Variants in RORA observed in about 807,000 individuals in gnomAD.
RORA encodes the protein nuclear receptor ROR-alpha.
A neutral mutation model predicts 69.5 loss-of-function variants in RORA; 7 were observed. That is an observed-to-expected ratio of 0.10 (90% CI 0.06 to 0.19). The LOEUF (loss-of-function observed/expected upper bound fraction) is 0.19, where lower values mean the gene tolerates loss of function less well. Ranked by LOEUF, RORA falls within the 10% of genes least tolerant of loss-of-function variation. RORA has a pLI of 1.00. For synonymous variants in RORA, 261 were observed against 240.8 expected, an observed-to-expected ratio of 1.08 and a Z score of -0.78; for missense variants, 457 against 663.0, an observed-to-expected ratio of 0.69 and a Z score of 3.41.
At chr15:60,819,083 C>T (rs2072853806) in intron 1 of RORA, among the ~76,000 whole-genome samples, 1 of 152,226 alleles carries the variant, frequency 6.6e-6, no homozygotes, top group Non-Finnish European at 1.5e-5. Context: ...TTTTCTACAT[C>T]TAAATATCCC....
intron 1 of RORA, among the ~76,000 whole-genome samples, chr15:61,002,699 A>T (rs1280998723): frequency 6.6e-6 from 1 of 152,144 alleles, no homozygotes; most frequent in Non-Finnish European, 1.5e-5. Context: ...TTTAGGGTTT[A>T]AACTCCGCAA....
At position 60,501,019 on chromosome 15, in the gene RORA, A is replaced by G; in HGVS notation, c.1234T>C (p.Ser412Pro). Residue 412 changes from serine (S) to proline (P), a missense_variant, in exon 9 of 11, where the codon TCT becomes CCT. By Grantham distance (74) the Ser-to-Pro change is moderately conservative (BLOSUM62 -1). Transcript: ENST00000335670. ...FVFEFGKSLC[S>P]MHLTEDEIAL... ...ATTTCATCTTCAGTCAGGTGCATAG[A>G]ACATAAACTCTTTCCAAATTCAAAC... 1 of 1,611,664 alleles carries G rather than the reference A, an allele frequency of 6.2e-7. No individual in the cohort carries two copies. The highest frequency in any genetic ancestry group is 1.1e-5 in the South Asian group (1 of 90,978).
intron 1 of RORA, among the ~76,000 whole-genome samples, chr15:61,116,831 T>C (rs1175962184): frequency 6.6e-6 from 1 of 152,194 alleles, no homozygotes; most frequent in African/African-American, 2.4e-5. Flanking sequence ...AAATGGCTCC[T>C]AGGTCCCTGC....
chr15:60,592,140 C>G (rs955352987), intron 2 of RORA, among the ~76,000 whole-genome samples: 19 of 151,960 alleles, frequency 1.3e-4, no homozygotes, highest in Non-Finnish European at 2.4e-4. Flanking sequence ...TGACAGGAGC[C>G]GGAGGGGGCA....
chr15:61,090,367 T>C (rs1006964864), intron 1 of RORA, among the ~76,000 whole-genome samples: 2 of 152,196 alleles, frequency 1.3e-5, no homozygotes, highest in Non-Finnish European at 2.9e-5. Flanking sequence ...CCTCTGTGAA[T>C]ATGAATGAGG....
intron 1 of RORA, among the ~76,000 whole-genome samples, chr15:60,789,760 A>AG (rs1477535379): frequency 1.3e-5 from 2 of 152,270 alleles, no homozygotes; most frequent in African/African-American, 4.8e-5. Context: ...GCCGGTGCAA[A>AG]TGAAGGGTCC....
chr15:60,777,843 G>T (rs937105296), intron 1 of RORA, among the ~76,000 whole-genome samples: 10 of 152,168 alleles, frequency 6.6e-5, no homozygotes, highest in African/African-American at 2.2e-4. Flanking sequence ...GCTGAGCAAG[G>T]GGTGTGCAAA....
At chr15:60,639,732 A>G (rs2069907423) in intron 2 of RORA, among the ~76,000 whole-genome samples, 1 of 152,196 alleles carries the variant, frequency 6.6e-6, no homozygotes, top group Non-Finnish European at 1.5e-5. Flanking sequence ...TCTCATAGTT[A>G]AAGTGCATAG....
intron 1 of RORA, among the ~76,000 whole-genome samples, chr15:60,944,427 C>T (rs1892800383): frequency 6.6e-6 from 1 of 152,054 alleles, no homozygotes; most frequent in Non-Finnish European, 1.5e-5. Flanking sequence ...ATACAATAAG[C>T]AGCACGGAGC....
At chr15:60,603,095 G>C (rs1250772070) in intron 2 of RORA, among the ~76,000 whole-genome samples, 1 of 152,200 alleles carries the variant, frequency 6.6e-6, no homozygotes, top group Non-Finnish European at 1.5e-5. Context: ...GTGTTGTTGA[G>C]TACAATAATT....
chr15:61,163,386 CA>C (rs2079513385), intron 1 of RORA, among the ~76,000 whole-genome samples: 1 of 152,112 alleles, frequency 6.6e-6, no homozygotes, highest in Non-Finnish European at 1.5e-5. Flanking sequence ...TATTCAGAGG[CA>C]AGTCAGTTTT....
intron 1 of RORA, among the ~76,000 whole-genome samples, chr15:60,758,037 G>C (rs964200085): frequency 6.6e-6 from 1 of 152,104 alleles, no homozygotes; most frequent in African/African-American, 2.4e-5. Context: ...CCAATCAATG[G>C]GACCGGCACC....
intron 1 of RORA, among the ~76,000 whole-genome samples, chr15:60,951,502 CT>C (rs1263352509): frequency 6.6e-6 from 1 of 151,178 alleles, no homozygotes; most frequent in East Asian, 1.9e-4. Flanking sequence ...AATCCAGGAG[CT>C]GGTTTTTTGA....
chr15:60,674,642 G>A (rs1033662051), intron 2 of RORA, among the ~76,000 whole-genome samples: 9 of 152,098 alleles, frequency 5.9e-5, no homozygotes, highest in African/African-American at 1.7e-4. Context: ...TATATTGTAG[G>A]TATTAGCCTG....
At chr15:61,059,954 A>T (rs1182486805) in intron 1 of RORA, among the ~76,000 whole-genome samples, 1 of 138,770 alleles carries the variant, frequency 7.2e-6, no homozygotes, top group African/African-American at 2.7e-5. Context: ...GAAGAAGAAG[A>T]AGAAGAAGAG....
At chr15:60,631,916 G>C (rs1346614284) in intron 2 of RORA, among the ~76,000 whole-genome samples, 4 of 152,206 alleles carry the variant, frequency 2.6e-5, no homozygotes, top group Non-Finnish European at 5.9e-5. Flanking sequence ...TACAAGGTAA[G>C]CCAACCAGGG....
At chr15:61,105,908 T>G (rs554352045) in intron 1 of RORA, among the ~76,000 whole-genome samples, 1 of 152,168 alleles carries the variant, frequency 6.6e-6, no homozygotes, top group African/African-American at 2.4e-5. Flanking sequence ...TGGTGAAAAG[T>G]TGACATAATG....
intron 1 of RORA, among the ~76,000 whole-genome samples, chr15:61,056,461 G>A (rs537527718): frequency 3.9e-5 from 6 of 152,286 alleles, no homozygotes; most frequent in Non-Finnish European, 7.4e-5. Flanking sequence ...GGGAGAAACT[G>A]AAGAAGTCAA....
intron 2 of RORA, among the ~76,000 whole-genome samples, chr15:60,567,416 A>ATTAT (rs1555432151): frequency 2.8e-5 from 4 of 142,812 alleles, no homozygotes; most frequent in East Asian, 2.0e-4. Flanking sequence ...TATTATTATT[A>ATTAT]TTTTTTTTTT....
Sources: gnomAD v4.1 joint callset for allele counts (sites outside exome capture counted in the v4.1 genomes callset) on GRCh38, gnomAD v4.1.1 for gene constraint, MANE v1.5 for transcripts, NCBI Gene and HGNC (gene_info 2026-07-23, HGNC 2026-07-21) for gene names.